Variants in OSBPL8 observed in about 807,000 individuals in gnomAD.
The protein encoded by OSBPL8 is oxysterol binding protein like 8.
In OSBPL8, 59 loss-of-function variants were observed where a neutral mutation model predicts 125.5. The ratio of observed to expected loss-of-function variants is 0.47; its 90% CI spans 0.38 to 0.58. OSBPL8 has a LOEUF of 0.58. Among genes scored for constraint, OSBPL8 ranks in the 20% least tolerant of loss-of-function variants. The pLI, the probability that OSBPL8 is intolerant of heterozygous loss-of-function variation, is 0.00. For missense variants in OSBPL8, 758 were observed against 1,047.8 expected (o/e 0.72, Z 3.82); for synonymous variants, 330 against 338.9 (o/e 0.97, Z 0.29).
chr12:76,384,162 G>T, intron 15 of OSBPL8, 92 bp downstream of exon 15: 1 of 611,970 alleles, frequency 1.6e-6, no homozygotes, highest in Non-Finnish European at 2.6e-6. Flanking sequence ...CAAACTCCTT[G>T]TTGAAAATAG....
At position 76,399,434 on chromosome 12, in the gene OSBPL8, GATA is replaced by G. The variant is rs1301237099; in HGVS notation, c.468+436_468+438del. Among the ~76,000 whole-genome samples the G allele has an allele frequency of 2.0e-5, 3 of 152,164 alleles. No homozygotes were observed. The South Asian group carries it at 6.2e-4, about 31-fold the overall frequency. ...TGGAAACAGCAATGTGTGCTTGTCT[GATA>G]ATTAACAATTTTCATTTTTTAACAA... On this transcript the variant is annotated intron_variant, in intron 7 of 23. Coordinates refer to ENST00000261183, the MANE Select transcript of OSBPL8 (RefSeq NM_020841.5).
chr12:76,396,476 A>G (rs1953808946), intron 8 of OSBPL8, among the ~76,000 whole-genome samples: 1 of 152,158 alleles, frequency 6.6e-6, no homozygotes, highest in Non-Finnish European at 1.5e-5. Context: ...AACTTAAACT[A>G]GGCTAGGCAT....
At chr12:76,469,361 T>A (rs1875840858) in intron 2 of OSBPL8, among the ~76,000 whole-genome samples, 1 of 152,186 alleles carries the variant, frequency 6.6e-6, no homozygotes, top group African/African-American at 2.4e-5. Flanking sequence ...ACTGCAGGCA[T>A]AACAAATAGA....
intron 4 of OSBPL8, among the ~76,000 whole-genome samples, chr12:76,428,735 G>A (rs1870456273): frequency 6.6e-6 from 1 of 152,074 alleles, no homozygotes; most frequent in African/African-American, 2.4e-5. Flanking sequence ...TCTGAAGACT[G>A]TAGTATACAA....
rs948903130 is a variant in OSBPL8 at position 76,356,556 on chromosome 12, T to C, written c.2537+70A>G. On this transcript the variant is annotated intron_variant, in intron 23 of 23. Coordinates refer to ENST00000261183, the MANE Select transcript of OSBPL8 (RefSeq NM_020841.5). ...ATAAAAATATGAAGTCTGCATATGA[T>C]TTCCCATATAACAGGATTCTTAACT... The C allele has an allele frequency of 1.3e-5, 12 of 943,278 alleles. No homozygotes were observed. In the African/African-American group the frequency reaches 1.8e-4, roughly 14 times the overall value. 58.4% of individuals were successfully genotyped at this position (943,278 alleles called of 1,614,324 possible).
At position 76,369,251 on chromosome 12, in the gene OSBPL8, C is replaced by T. The variant is rs779721336; in HGVS notation, c.2291G>A (p.Gly764Asp). 27 of 1,612,200 alleles carry T rather than the reference C, an allele frequency of 1.7e-5. No individual in the cohort carries two copies. The highest frequency in any genetic ancestry group is 1.7e-4 in the Admixed American group (10 of 59,798). ...ATGTTTCACTTTGGTCTGAATAACA[C>T]CATCTTTTTCAAACTGTATCATATC... ...LNDMIQFEKD[G>D]VIQTKVKHRT... The change falls in exon 21 of 24, where the codon GGT becomes GAT. Residue 764 changes from glycine to aspartate, a missense_variant. Transcript: ENST00000261183.
chr12:76,351,981 G>C lies in OSBPL8; in HGVS notation c.*3908C>G, dbSNP rs1189760813. On this transcript the variant is annotated 3_prime_UTR_variant, in exon 24 of 24. Coordinates refer to ENST00000261183, the MANE Select transcript of OSBPL8 (RefSeq NM_020841.5). ...TCTGTACATTTACTGTGCACCTTAA[G>C]GAAAAGAATTTGACAGTGTGCTGTA... is the stretch of plus-strand genomic sequence containing the variant. 6.6e-6 allele frequency: 1 copy of C among 152,152 alleles called. No individual in the cohort carries two copies. Among genetic ancestry groups the C allele is most frequent in the Non-Finnish European group, 1.5e-5 (1 of 68,018 alleles). 9.4% of individuals were successfully genotyped at this position (152,152 alleles called of 1,614,324 possible). A position where few individuals can be genotyped will look rare whatever the true frequency, so the allele number is the denominator to read the frequency against.
chr12:76,440,746 T>C (rs566157325), intron 4 of OSBPL8, among the ~76,000 whole-genome samples: 56 of 152,226 alleles, frequency 3.7e-4, no homozygotes, highest in Admixed American at 6.5e-4. Context: ...ACCTCTAATT[T>C]TATGAGGAGA....
At chr12:76,428,125 T>C (rs750009766) in intron 4 of OSBPL8, among the ~76,000 whole-genome samples, 2 of 152,046 alleles carry the variant, frequency 1.3e-5, no homozygotes, top group Non-Finnish European at 2.9e-5. Flanking sequence ...TAAATAATTA[T>C]AAAATGTTAT....
intron 5 of OSBPL8, among the ~76,000 whole-genome samples, chr12:76,404,150 G>A (rs552418887): frequency 6.6e-6 from 1 of 152,224 alleles, no homozygotes; most frequent in African/African-American, 2.4e-5. Context: ...TTACTCCAAT[G>A]ATGATGGCAT....
intron 7 of OSBPL8, among the ~76,000 whole-genome samples, chr12:76,398,453 G>A (rs1168862134): frequency 1.3e-5 from 2 of 152,064 alleles, no homozygotes; most frequent in African/African-American, 2.4e-5. Flanking sequence ...AAATTTATTG[G>A]AGGATATTTT....
intron 7 of OSBPL8, among the ~76,000 whole-genome samples, chr12:76,399,131 A>C (rs950008180): frequency 3.9e-5 from 6 of 152,188 alleles, no homozygotes; most frequent in African/African-American, 1.4e-4. Context: ...TGTCAGGGAA[A>C]CTATCACTAG....
rs202235100 is a variant in OSBPL8 at position 76,390,409 on chromosome 12, C to T, written c.1167+11G>A. The T allele has an allele frequency of 1.3e-6, 2 of 1,550,014 alleles. No homozygotes were observed. The highest frequency in any genetic ancestry group is 2.3e-5 in the East Asian group (1 of 44,190). On this transcript the variant is annotated intron_variant, in intron 11 of 23. Coordinates refer to ENST00000261183, the MANE Select transcript of OSBPL8 (RefSeq NM_020841.5). The stretch of plus-strand genomic sequence containing the variant: ...GAAAATCCAGAACCTCTAAAAATAG[C>T]AGACTTTTACCTCTCCAAGTTCTTC...
At chr12:76,411,304 C>G (rs1445054513) in intron 4 of OSBPL8, among the ~76,000 whole-genome samples, 1 of 152,024 alleles carries the variant, frequency 6.6e-6, no homozygotes, top group Non-Finnish European at 1.5e-5. Context: ...TACAAAGGTA[C>G]AATTATATTG....
intron 3 of OSBPL8, among the ~76,000 whole-genome samples, chr12:76,458,677 CCT>C (rs1357101606): frequency 6.6e-6 from 1 of 151,786 alleles, no homozygotes; most frequent in Non-Finnish European, 1.5e-5. Context: ...GAGTGAGTCC[CCT>C]GTCTCTAAAA....
At chr12:76,428,331 T>A (rs764382472) in intron 4 of OSBPL8, among the ~76,000 whole-genome samples, 1 of 151,940 alleles carries the variant, frequency 6.6e-6, no homozygotes, top group Non-Finnish European at 1.5e-5. Context: ...CTGGGGAAGA[T>A]AGCTCATTGG....
intron 1 of OSBPL8, among the ~76,000 whole-genome samples, chr12:76,515,112 T>C (rs906259274): frequency 2.0e-5 from 3 of 152,254 alleles, no homozygotes; most frequent in African/African-American, 7.2e-5. Flanking sequence ...CTCAATGATA[T>C]TCATTCCTAT....
chr12:76,454,680 A>G (rs1163344779), intron 3 of OSBPL8, among the ~76,000 whole-genome samples: 2 of 151,650 alleles, frequency 1.3e-5, no homozygotes, highest in Non-Finnish European at 2.9e-5. Context: ...GATAACACCA[A>G]TGCACCCTAG....
At chr12:76,480,270 T>C (rs1001014913) in intron 2 of OSBPL8, among the ~76,000 whole-genome samples, 1 of 152,078 alleles carries the variant, frequency 6.6e-6, no homozygotes, top group African/African-American at 2.4e-5. Flanking sequence ...GAATAATGTA[T>C]TTATGATCAA....
Sources: allele counts gnomAD v4.1 joint callset (sites outside exome capture counted in the v4.1 genomes callset), GRCh38; gene constraint gnomAD v4.1.1; transcripts MANE v1.5; gene names NCBI Gene and HGNC (gene_info 2026-07-23, HGNC 2026-07-21).